PBX1: variants seen among roughly 807,000 people sequenced by gnomAD.
The protein encoded by PBX1 is PBX homeobox 1.
A neutral mutation model predicts 53.4 loss-of-function variants in PBX1; 6 were observed. The observed-to-expected ratio is 0.11, with a 90% CI of 0.06 to 0.22. The LOEUF is 0.22. PBX1 is among the 10% of genes least tolerant of loss of function. The pLI, the probability that PBX1 is intolerant of heterozygous loss-of-function variation, is 1.00. For missense variants in PBX1, 251 were observed against 551.4 expected (o/e 0.46, Z 5.46); for synonymous variants, 204 against 212.3 (o/e 0.96, Z 0.34).
At chr1:164,742,984 A>G (rs1242056299) in intron 2 of PBX1, among the ~76,000 whole-genome samples, 1 of 152,220 alleles carries the variant, frequency 6.6e-6, no homozygotes, top group Non-Finnish European at 1.5e-5. Context: ...TTTGACTCCA[A>G]TAATACGATC....
chr1:164,881,289 AAAGGAAGGAAAGAGGGAAGG>A (rs1672641096), intron 2 of PBX1, among the ~76,000 whole-genome samples: 3 of 140,074 alleles, frequency 2.1e-5, no homozygotes, highest in African/African-American at 7.5e-5. Flanking sequence ...ACACAGAGAG[AAAGGAAGGAAAGAGGGAAGG>A]AAGGAAGGAA....
intron 2 of PBX1, among the ~76,000 whole-genome samples, chr1:164,764,518 C>T (rs549828649): frequency 6.6e-6 from 1 of 152,278 alleles, no homozygotes; most frequent in African/African-American, 2.4e-5. Flanking sequence ...GTGAGCTCTG[C>T]TGGTCTCTTC....
intron 2 of PBX1, among the ~76,000 whole-genome samples, chr1:164,711,835 G>A (rs977769550): frequency 1.3e-5 from 2 of 152,332 alleles, no homozygotes; most frequent in African/African-American, 2.4e-5. Context: ...AAAGCCTGCC[G>A]TCTGCCGGAC....
At chr1:164,764,598 T>A (rs1666973753) in intron 2 of PBX1, among the ~76,000 whole-genome samples, 1 of 152,202 alleles carries the variant, frequency 6.6e-6, no homozygotes. Context: ...AGATGTTCAG[T>A]CTCATAATTT....
At chr1:164,834,029 A>ATGTGTGTGTGTGTGTGTGTGTGTGTG (rs35739146) in intron 8 of PBX1, among the ~76,000 whole-genome samples, 13 of 128,282 alleles carry the variant, frequency 1.0e-4, no homozygotes, top group East Asian at 6.7e-4. Flanking sequence ...ATATATGTAT[A>ATGTGTGTGTGTGTGTGTGTGTGTGTG]TGTGTGTGTG....
At chr1:164,832,165 G>C (rs981588912) in intron 8 of PBX1, among the ~76,000 whole-genome samples, 1 of 151,890 alleles carries the variant, frequency 6.6e-6, no homozygotes, top group Non-Finnish European at 1.5e-5. Flanking sequence ...TTGACCTCTA[G>C]TCCTTAGGCC....
At chr1:164,870,215 TTCTTTCCTTCCTTCCTTCCTTCC>T (rs1672319676) in intron 2 of PBX1, among the ~76,000 whole-genome samples, 1 of 92,780 alleles carries the variant, frequency 1.1e-5, no homozygotes, top group Non-Finnish European at 2.3e-5. Flanking sequence ...TTTCTTTTCT[TTCTTTCCTTCCTTCCTTCCTTCC>T]TTCCTTCCTT....
chr1:164,581,601 G>T (rs768539129), intron 2 of PBX1, among the ~76,000 whole-genome samples: 4 of 152,132 alleles, frequency 2.6e-5, no homozygotes, highest in Non-Finnish European at 5.9e-5. Flanking sequence ...GTGGCCCAGA[G>T]AACAGCCTGG....
chr1:164,844,941 G>A (rs1671495231), intron 8 of PBX1, among the ~76,000 whole-genome samples: 1 of 152,188 alleles, frequency 6.6e-6, no homozygotes, highest in South Asian at 2.1e-4. Flanking sequence ...CAGAGAAAAG[G>A]AGTGAGAGGA....
At chr1:164,608,606 T>A (rs550681859) in intron 2 of PBX1, among the ~76,000 whole-genome samples, 4 of 152,232 alleles carry the variant, frequency 2.6e-5, no homozygotes, top group Admixed American at 2.6e-4. Context: ...AATAGAGATA[T>A]TTATTACTAA....
chr1:164,842,213 T>A (rs908282698), intron 8 of PBX1, among the ~76,000 whole-genome samples: 1 of 151,992 alleles, frequency 6.6e-6, no homozygotes, highest in African/African-American at 2.4e-5. Flanking sequence ...TCAAGGAGGG[T>A]GGTAGAGAAA....
chr1:164,853,679 G>C (rs1296046150), downstream of PBX1, among the ~76,000 whole-genome samples: 1 of 152,140 alleles, frequency 6.6e-6, no homozygotes, highest in Admixed American at 6.5e-5. Context: ...GTGGTCATTA[G>C]GAAGGGAGAG....
At chr1:164,624,324 C>A (rs1170325782) in intron 2 of PBX1, among the ~76,000 whole-genome samples, 1 of 152,180 alleles carries the variant, frequency 6.6e-6, no homozygotes, top group African/African-American at 2.4e-5. Context: ...ACAATCAAGA[C>A]CATGTAAGCT....
chr1:164,649,632 T>G (rs550842431), intron 2 of PBX1, among the ~76,000 whole-genome samples: 3 of 152,298 alleles, frequency 2.0e-5, no homozygotes, highest in African/African-American at 7.2e-5. Context: ...GCTCCCAGTC[T>G]GCTGCACCTG....
intron 8 of PBX1, among the ~76,000 whole-genome samples, chr1:164,837,886 C>A (rs1431932154): frequency 6.6e-6 from 1 of 152,214 alleles, no homozygotes; most frequent in Non-Finnish European, 1.5e-5. Context: ...ATCTCCTATA[C>A]TATGTGAGTT....
Position 164,872,974 on chromosome 1 carries a change from A to G in PBX1, n.258-26214A>G, listed in dbSNP as rs117232176. Among the ~76,000 whole-genome samples the G allele has an allele frequency of 1.2e-4, 19 of 152,322 alleles. No individual in the cohort carries two copies. The East Asian group carries it at 3.7e-3, about 29-fold the overall frequency. ...CTACCACTTTTGGAGTATTTCTCCA[A>G]CAGACATTGGGCTTTACACAGAATA... On this transcript the variant is annotated intron_variant and non_coding_transcript_variant, in intron 2 of 2. Coordinates refer to the PBX1 transcript ENST00000558796.
intron 2 of PBX1, among the ~76,000 whole-genome samples, chr1:164,748,478 AG>A (rs1261572281): frequency 6.6e-6 from 1 of 152,214 alleles, no homozygotes; most frequent in Admixed American, 6.5e-5. Flanking sequence ...AGTCATTAGA[AG>A]AGGTCACGGC....
chr1:164,606,118 T>G (rs1452163982), intron 2 of PBX1, among the ~76,000 whole-genome samples: 3 of 152,220 alleles, frequency 2.0e-5, no homozygotes, highest in Admixed American at 1.3e-4. Context: ...TTTTTAAAAA[T>G]TCTTTCATTA....
chr1:164,876,131 T>C (rs1672504912), intron 2 of PBX1, among the ~76,000 whole-genome samples: 1 of 151,052 alleles, frequency 6.6e-6, no homozygotes, highest in Non-Finnish European at 1.5e-5. Flanking sequence ...CATTAGTGAG[T>C]AGTTAGATGA....
Sources: gnomAD v4.1 joint callset for allele counts (sites outside exome capture counted in the v4.1 genomes callset) on GRCh38, gnomAD v4.1.1 for gene constraint, MANE v1.5 for transcripts, NCBI Gene and HGNC (gene_info 2026-07-23, HGNC 2026-07-21) for gene names.